Variants in KCNG3 observed in about 807,000 individuals in gnomAD.
The protein encoded by KCNG3 is voltage-gated potassium channel regulatory subunit KCNG3.
In KCNG3, 15 loss-of-function variants were observed where a neutral mutation model predicts 29.0. The ratio of observed to expected loss-of-function variants is 0.52; its 90% CI spans 0.35 to 0.80. The LOEUF (loss-of-function observed/expected upper bound fraction) is 0.80, where lower values mean the gene tolerates loss of function less well. Among genes scored for constraint, KCNG3 ranks in the 30% least tolerant of loss-of-function variants. The pLI, the probability that KCNG3 is intolerant of heterozygous loss-of-function variation, is 0.01. For synonymous variants in KCNG3, 322 were observed against 248.9 expected (o/e 1.29, Z -2.76); for missense variants, 512 against 605.7 (o/e 0.85, Z 1.62).
chr2:42,452,243 A>ATATATATATATATATATATTTTT, intron 1 of KCNG3, among the ~76,000 whole-genome samples: 15 of 95,048 alleles, frequency 1.6e-4, no homozygotes, highest in East Asian at 4.6e-4. Flanking sequence ...ATATATATAT[A>ATATATATATATATATATATTTTT]TTTTTTTTTT....
At chr2:42,468,529 T>C (rs977999947) in intron 1 of KCNG3, among the ~76,000 whole-genome samples, 1 of 152,142 alleles carries the variant, frequency 6.6e-6, no homozygotes, top group Non-Finnish European at 1.5e-5. Context: ...TACCTAGATA[T>C]AAATCTAACA....
chr2:42,404,822 T>C, the KCNG3 span, among the ~76,000 whole-genome samples: 1 of 152,132 alleles, frequency 6.6e-6, no homozygotes, highest in African/African-American at 2.4e-5. Context: ...CGGCAATGAT[T>C]GCAATCCCGG....
chr2:42,491,826 TA>T (rs1311365679), intron 1 of KCNG3, among the ~76,000 whole-genome samples: 11 of 152,150 alleles, frequency 7.2e-5, no homozygotes, highest in Non-Finnish European at 1.3e-4. Flanking sequence ...TGCCTATCAG[TA>T]AAACATGACA....
intron 1 of KCNG3, among the ~76,000 whole-genome samples, chr2:42,448,664 T>G (rs1268498849): frequency 1.3e-5 from 2 of 152,156 alleles, no homozygotes; most frequent in African/African-American, 2.4e-5. Context: ...TTCAACCAAA[T>G]GTGATCAAAA....
At chr2:42,432,127 T>G in the KCNG3 span, among the ~76,000 whole-genome samples, 1 of 152,270 alleles carries the variant, frequency 6.6e-6, no homozygotes, top group Admixed American at 6.5e-5. Flanking sequence ...TCTCTCAGGG[T>G]GTCAGGGCAA....
At chr2:42,456,066 G>C (rs1417428186) in intron 1 of KCNG3, among the ~76,000 whole-genome samples, 1 of 151,478 alleles carries the variant, frequency 6.6e-6, no homozygotes, top group Non-Finnish European at 1.5e-5. Flanking sequence ...CAATAACTTT[G>C]TTACTTACTA....
intron 1 of KCNG3, among the ~76,000 whole-genome samples, chr2:42,455,874 A>C (rs1051580236): frequency 4.0e-5 from 6 of 150,996 alleles, no homozygotes; most frequent in Non-Finnish European, 5.9e-5. Context: ...TTACACAAGC[A>C]ATAGGCCAAC....
chr2:42,394,835 CT>C, the KCNG3 span, among the ~76,000 whole-genome samples: 1 of 152,214 alleles, frequency 6.6e-6, no homozygotes, highest in Admixed American at 6.5e-5. Context: ...CGTCCTCAAC[CT>C]TGGCAACATA....
chr2:42,397,743 A>C, the KCNG3 span, among the ~76,000 whole-genome samples: 8 of 152,200 alleles, frequency 5.3e-5, no homozygotes, highest in Admixed American at 5.2e-4. Context: ...ATATTTTCAA[A>C]ATTATCTTTC....
intron 1 of KCNG3, among the ~76,000 whole-genome samples, chr2:42,448,786 G>A (rs1217202984): frequency 2.0e-5 from 3 of 152,182 alleles, no homozygotes; most frequent in East Asian, 1.9e-4. Context: ...TCAAGAGATC[G>A]AGACCACAGT....
chr2:42,452,139 G>A (rs934998988), intron 1 of KCNG3, among the ~76,000 whole-genome samples: 9 of 149,950 alleles, frequency 6.0e-5, no homozygotes, highest in African/African-American at 2.2e-4. Context: ...CGTAGTAGGT[G>A]TATATATTTA....
At chr2:42,464,555 C>T (rs1673094421) in intron 1 of KCNG3, among the ~76,000 whole-genome samples, 3 of 152,232 alleles carry the variant, frequency 2.0e-5, no homozygotes, top group African/African-American at 7.2e-5. Flanking sequence ...CCACAGATAA[C>T]AGCTAAAATG....
At chr2:42,433,517 T>C in the KCNG3 span, among the ~76,000 whole-genome samples, 1 of 152,110 alleles carries the variant, frequency 6.6e-6, no homozygotes, top group Non-Finnish European at 1.5e-5. Flanking sequence ...GGGGGGCATA[T>C]CACTTGAGGT....
chr2:42,493,205 G>T lies in KCNG3; in HGVS notation c.297C>A (p.Ile99=). Residue 99 remains isoleucine (I), a synonymous_variant, in exon 1 of 2, where the codon ATC becomes ATA. Coordinates refer to ENST00000306078, the MANE Select transcript of KCNG3 (RefSeq NM_133329.6). ...MCELSFYNEM[I]YWGLEGAHLE... ...GGTGCGCGCCCTCCAGGCCCCAGTAGATCATCTCGTTGTAGAAGGAGAGCT... is the reference window on the plus strand; with the variant it reads ...GGTGCGCGCCCTCCAGGCCCCAGTATATCATCTCGTTGTAGAAGGAGAGCT... The T allele has an allele frequency of 6.2e-7, 1 of 1,611,064 alleles. No homozygotes were observed. The highest frequency in any genetic ancestry group is 8.5e-7 in the Non-Finnish European group (1 of 1,179,864).
the KCNG3 span, among the ~76,000 whole-genome samples, chr2:42,410,423 ACT>A: frequency 1.3e-5 from 2 of 152,132 alleles, no homozygotes; most frequent in East Asian, 3.9e-4. Flanking sequence ...AATCCCATCC[ACT>A]GTTTTCCCCA....
rs200577512 is a variant in KCNG3 at position 42,455,770 on chromosome 2, T to TA, written c.666-11192dup. Among the ~76,000 whole-genome samples the TA allele has an allele frequency of 4.2e-3, 632 of 151,090 alleles. 4 individuals carry two copies. Among genetic ancestry groups the TA allele is most frequent in the African/African-American group, 0.014 (564 of 41,288 alleles). ...GGCAACAGACCAAAATCCTGTCTCT[T>TA]AAAAAAAATAAAAATTAAAAATTAA... On this transcript the variant is annotated intron_variant, in intron 1 of 1. Coordinates refer to ENST00000306078, the MANE Select transcript of KCNG3 (RefSeq NM_133329.6).
chr2:42,492,753 G>T, intron 1 of KCNG3, 84 bp downstream of exon 1: 2 of 1,264,856 alleles, frequency 1.6e-6, no homozygotes, highest in Non-Finnish European at 2.0e-6. Flanking sequence ...GCCCGGAGGC[G>T]GACAGGACGG....
In KCNG3 at chr2:42,474,128, T is replaced by G. The variant is rs529979502; in HGVS notation, c.665+18709A>C. On this transcript the variant is annotated intron_variant, in intron 1 of 1. Transcript: ENST00000306078. Reference sequence around the variant, plus strand: ...GATCACCCCTTGCTGACCATCCTTATCTTCTGACTCTTGGTGATGCTATTT... The same window carrying G: ...GATCACCCCTTGCTGACCATCCTTAGCTTCTGACTCTTGGTGATGCTATTT... Among the ~76,000 whole-genome samples, 73 of 149,318 alleles carry G rather than the reference T, an allele frequency of 4.9e-4. 1 individual carries two copies. Among genetic ancestry groups the G allele is most frequent in the Admixed American group, 2.6e-3 (39 of 14,954 alleles).
Position 42,463,130 on chromosome 2 carries a change from A to G in KCNG3, c.666-18551T>C, listed in dbSNP as rs72800034. On this transcript the variant is annotated intron_variant, in intron 1 of 1. Coordinates refer to ENST00000306078, the MANE Select transcript of KCNG3 (RefSeq NM_133329.6). ...GTTTAAAATTAAACAACTGTACAGT[A>G]TTCATTTGTGCTTGAAATTCTAATC... 1.6e-3 allele frequency: 547 copies of G among 332,338 alleles called. 2 individuals carry two copies. Among genetic ancestry groups the G allele is most frequent in the Non-Finnish European group, 2.5e-3 (438 of 175,394 alleles). 20.6% of individuals were successfully genotyped at this position (332,338 alleles called of 1,614,324 possible).
Sources: allele counts gnomAD v4.1 joint callset (sites outside exome capture counted in the v4.1 genomes callset), GRCh38; gene constraint gnomAD v4.1.1; transcripts MANE v1.5; gene names NCBI Gene and HGNC (gene_info 2026-07-23, HGNC 2026-07-21).